CFAP58: variants seen among roughly 807,000 people sequenced by gnomAD.
The protein encoded by CFAP58 is cilia and flagella associated protein 58, also known as cilia- and flagella-associated protein 58.
A neutral mutation model predicts 119.5 loss-of-function variants in CFAP58; 88 were observed. That is an observed-to-expected ratio of 0.74 (90% CI 0.62 to 0.88). The LOEUF is 0.88. Ranked by LOEUF, CFAP58 falls within the 40% of genes least tolerant of loss-of-function variation. CFAP58 has a pLI of 0.00. For synonymous variants in CFAP58, 365 were observed against 366.3 expected, an observed-to-expected ratio of 1.00 and a Z score of 0.04; for missense variants, 990 against 1,021.2, an observed-to-expected ratio of 0.97 and a Z score of 0.42.
rs1395389739 is a variant in CFAP58 at position 104,378,991 on chromosome 10, C to T, written c.1174-1038C>T. 2.0e-5 allele frequency among the ~76,000 whole-genome samples: 3 copies of T among 151,668 alleles called. No homozygotes were observed. In the East Asian group the frequency reaches 5.8e-4, roughly 29 times the overall value. ...AGAAACTTCGGAGTTGGAACATGAG[C>T]ATCTGCATTTTTAAAAAACTGAGTT... On this transcript the variant is annotated intron_variant, in intron 8 of 17. Transcript: ENST00000369704.
At chr10:104,422,439 C>T (rs1344120922) in intron 15 of CFAP58, among the ~76,000 whole-genome samples, 1 of 152,218 alleles carries the variant, frequency 6.6e-6, no homozygotes, top group Non-Finnish European at 1.5e-5. Flanking sequence ...AAGCACTCCA[C>T]AACTTCGTGG....
chr10:104,452,368 C>T (rs1043768640), intron 17 of CFAP58, among the ~76,000 whole-genome samples: 4 of 152,116 alleles, frequency 2.6e-5, no homozygotes, highest in South Asian at 2.1e-4. Flanking sequence ...TTTTAAAGTT[C>T]GTACACTCCA....
At chr10:104,447,019 C>CT (rs559626097) in intron 15 of CFAP58, among the ~76,000 whole-genome samples, 12 of 148,646 alleles carry the variant, frequency 8.1e-5, no homozygotes, top group Admixed American at 1.3e-4. Flanking sequence ...TATTTCTTTT[C>CT]TTTTTTTTTT....
intron 9 of CFAP58, among the ~76,000 whole-genome samples, chr10:104,383,508 C>T (rs777348410): frequency 6.6e-5 from 10 of 152,094 alleles, no homozygotes; most frequent in Non-Finnish European, 1.2e-4. Context: ...AAGAGAGATT[C>T]GGATACCAAG....
At position 104,353,835 on chromosome 10, in the gene CFAP58, A is replaced by C; in HGVS notation, c.-63A>C. ...GTCGCGCCTTTAGCTTCTTTCCCAG[A>C]CTCCGGCCCAGCTCCTGCGATCTCC... On this transcript the variant is annotated 5_prime_UTR_variant, in exon 1 of 18. Transcript: ENST00000369704. 6.4e-7 allele frequency: 1 copy of C among 1,573,204 alleles called. No homozygotes were observed. Among genetic ancestry groups the C allele is most frequent in the Non-Finnish European group, 8.7e-7 (1 of 1,152,068 alleles).
intron 10 of CFAP58, among the ~76,000 whole-genome samples, chr10:104,393,011 G>C (rs530178066): frequency 1.3e-3 from 194 of 152,310 alleles, no homozygotes; most frequent in Non-Finnish European, 2.4e-3. Flanking sequence ...TTGAATTCCA[G>C]AGCTTCACTT....
chr10:104,419,065 C>G (rs542991727), intron 15 of CFAP58, among the ~76,000 whole-genome samples: 32 of 152,238 alleles, frequency 2.1e-4, no homozygotes, highest in South Asian at 4.2e-4. Flanking sequence ...AGGCTGTGTC[C>G]CCGTCGTGCT....
chr10:104,351,657 T>C (rs2014460917), upstream of CFAP58: 1 of 152,196 alleles, frequency 6.6e-6, no homozygotes. Context: ...TCACACCATA[T>C]GGGAAGGAGA....
chr10:104,385,082 T>C (rs898602383), intron 9 of CFAP58, among the ~76,000 whole-genome samples: 5 of 152,092 alleles, frequency 3.3e-5, no homozygotes, highest in Non-Finnish European at 5.9e-5. Context: ...GATTGCACTT[T>C]GGTGGCACAG....
chr10:104,429,274 T>A (rs1001113369), intron 15 of CFAP58, among the ~76,000 whole-genome samples: 6 of 152,038 alleles, frequency 3.9e-5, no homozygotes, highest in Non-Finnish European at 8.8e-5. Context: ...AGGCAGAGGC[T>A]AATGTGCTGG....
chr10:104,450,788 T>G (rs1049614103), intron 17 of CFAP58, among the ~76,000 whole-genome samples: 1 of 151,776 alleles, frequency 6.6e-6, no homozygotes, highest in Non-Finnish European at 1.5e-5. Context: ...CAAACAGTCC[T>G]CCTGCCTCAG....
chr10:104,364,427 AACACACACAC>A (rs66757511), intron 3 of CFAP58, among the ~76,000 whole-genome samples: 2,914 of 142,236 alleles, frequency 0.02, 84 homozygotes, highest in African/African-American at 0.07. Flanking sequence ...ATGTCTGTAA[AACACACACAC>A]ACACACACAC....
chr10:104,444,148 A>G (rs1264526087), intron 15 of CFAP58, among the ~76,000 whole-genome samples: 4 of 152,252 alleles, frequency 2.6e-5, no homozygotes, highest in African/African-American at 9.6e-5. Context: ...GCATGCTACA[A>G]AGCGATATTG....
At chr10:104,359,259 C>A (rs2014636133) in intron 2 of CFAP58, among the ~76,000 whole-genome samples, 1 of 152,060 alleles carries the variant, frequency 6.6e-6, no homozygotes, top group African/African-American at 2.4e-5. Flanking sequence ...TAATTAAAAC[C>A]CTAAATATGA....
chr10:104,440,396 G>A (rs1399344115), intron 15 of CFAP58, among the ~76,000 whole-genome samples: 1 of 152,110 alleles, frequency 6.6e-6, no homozygotes, highest in Non-Finnish European at 1.5e-5. Context: ...ATCCATTCCT[G>A]TGTTCCCGGT....
At chr10:104,449,111 A>G (rs1427115380) in intron 16 of CFAP58, among the ~76,000 whole-genome samples, 1 of 150,162 alleles carries the variant, frequency 6.7e-6, no homozygotes, top group South Asian at 2.1e-4. Flanking sequence ...TTCCACATTC[A>G]TTGTTTAGAA....
the CFAP58 span, among the ~76,000 whole-genome samples, chr10:104,340,705 T>C: frequency 6.6e-6 from 1 of 152,108 alleles, no homozygotes; most frequent in African/African-American, 2.4e-5. Flanking sequence ...AGGTGTGAGA[T>C]AGGTCAAGGG....
At chr10:104,445,413 G>A (rs1350378552) in intron 15 of CFAP58, among the ~76,000 whole-genome samples, 1 of 152,006 alleles carries the variant, frequency 6.6e-6, no homozygotes, top group Non-Finnish European at 1.5e-5. Context: ...AAGAAGACAG[G>A]ATAAATGACA....
At chr10:104,362,241 G>C in intron 3 of CFAP58, 70 bp downstream of exon 3, 2 of 1,370,898 alleles carry the variant, frequency 1.5e-6, no homozygotes, top group East Asian at 5.1e-5. Context: ...GACAGCCTGG[G>C]GCTTGCCAGT....
Sources: gnomAD v4.1 joint callset for allele counts (sites outside exome capture counted in the v4.1 genomes callset) on GRCh38, gnomAD v4.1.1 for gene constraint, MANE v1.5 for transcripts, NCBI Gene and HGNC (gene_info 2026-07-23, HGNC 2026-07-21) for gene names.